AP3B1: variants seen among roughly 807,000 people sequenced by gnomAD.
The protein encoded by AP3B1 is AP-3 complex subunit beta-1.
In AP3B1, 61 loss-of-function variants were observed where a neutral mutation model predicts 132.5. The observed-to-expected ratio is 0.46, with a 90% CI of 0.37 to 0.57. The LOEUF (loss-of-function observed/expected upper bound fraction) is 0.57, where lower values mean the gene tolerates loss of function less well. Among genes scored for constraint, AP3B1 ranks in the 20% least tolerant of loss-of-function variants. The pLI, the probability that AP3B1 is intolerant of heterozygous loss-of-function variation, is 0.00. For missense variants in AP3B1, 1,120 were observed against 1,289.4 expected, an observed-to-expected ratio of 0.87 and a Z score of 2.01; for synonymous variants, 388 against 438.3, an observed-to-expected ratio of 0.89 and a Z score of 1.43.
chr5:78,183,792 A>C (rs150646816), intron 7 of AP3B1, among the ~76,000 whole-genome samples: 4,435 of 149,436 alleles, frequency 0.03, 224 homozygotes, highest in African/African-American at 0.1. Flanking sequence ...GCTTGAGCTC[A>C]TGAGGCGGAG....
chr5:78,189,703 C>G (rs1173003003), intron 7 of AP3B1, among the ~76,000 whole-genome samples: 1 of 151,774 alleles, frequency 6.6e-6, no homozygotes. Context: ...AACCCCATCT[C>G]TACTGAAAAT....
chr5:78,104,566 A>T (rs1751257309), intron 20 of AP3B1, among the ~76,000 whole-genome samples: 1 of 152,174 alleles, frequency 6.6e-6, no homozygotes, highest in Non-Finnish European at 1.5e-5. Context: ...TATAATTGCA[A>T]CATACAAAAA....
At chr5:78,130,027 A>G (rs1752624659) in intron 15 of AP3B1, among the ~76,000 whole-genome samples, 1 of 152,174 alleles carries the variant, frequency 6.6e-6, no homozygotes, top group African/African-American at 2.4e-5. Context: ...AACTTATTAT[A>G]GTAGCTTTTA....
In AP3B1 at chr5:78,112,125, T is replaced by TA. The variant is rs535037803; in HGVS notation, c.2249+1626dup. 4.0e-3 allele frequency among the ~76,000 whole-genome samples: 603 copies of TA among 152,002 alleles called. 3 individuals are homozygous for TA. Among genetic ancestry groups the TA allele is most frequent in the Non-Finnish European group, 5.8e-3 (395 of 67,948 alleles). ...TAAAAAATTATCATACTGGCAAAGTTAAAAAAAATTCTGAGACAGAAAAAT... is the reference window on the plus strand; with the variant it reads ...TAAAAAATTATCATACTGGCAAAGTTAAAAAAAAATTCTGAGACAGAAAAAT... On this transcript the variant is annotated intron_variant, in intron 19 of 26. Coordinates refer to ENST00000255194, the MANE Select transcript of AP3B1 (RefSeq NM_003664.5).
At chr5:78,170,791 T>A (rs1056583912) in intron 11 of AP3B1, among the ~76,000 whole-genome samples, 1 of 152,326 alleles carries the variant, frequency 6.6e-6, no homozygotes, top group African/African-American at 2.4e-5. Flanking sequence ...GGTGTTTTAG[T>A]CATGAAGTCC....
rs1348945440 is a variant in AP3B1, at chr5:78,002,673, A to G, written c.*229T>C. Reference sequence around the variant, plus strand: ...ACGCCACATGGATTCAAGAGTTGAGACAACTGACAGTAAAATATATGCTCT... The same window carrying G: ...ACGCCACATGGATTCAAGAGTTGAGGCAACTGACAGTAAAATATATGCTCT... On this transcript the variant is annotated 3_prime_UTR_variant, in exon 27 of 27. Coordinates refer to ENST00000255194, the MANE Select transcript of AP3B1 (RefSeq NM_003664.5). 1.6e-6 allele frequency: 1 copy of G among 615,536 alleles called. No homozygotes were observed. The highest frequency in any genetic ancestry group is 1.8e-5 in the African/African-American group (1 of 54,200). The allele number at this position is 615,536 out of a possible 1,614,324, so 38.1% of individuals were successfully genotyped here.
At chr5:78,034,580 T>G in intron 23 of AP3B1, 135 bp from the exon 24 acceptor site, 1 of 707,456 alleles carries the variant, frequency 1.4e-6, no homozygotes, top group Non-Finnish European at 2.5e-6. Flanking sequence ...AATTTCAAAC[T>G]AAGAATATTA....
intron 7 of AP3B1, among the ~76,000 whole-genome samples, chr5:78,207,310 C>T (rs528277625): frequency 4.0e-5 from 6 of 151,342 alleles, no homozygotes; most frequent in African/African-American, 1.5e-4. Flanking sequence ...ACCTGTGGTC[C>T]CAGCTACTCA....
intron 7 of AP3B1, among the ~76,000 whole-genome samples, chr5:78,193,526 C>T (rs995547103): frequency 1.3e-5 from 2 of 151,458 alleles, no homozygotes; most frequent in Non-Finnish European, 2.9e-5. Context: ...AACCATACTT[C>T]ATATACACAA....
At chr5:78,072,631 A>G (rs955715484) in intron 22 of AP3B1, among the ~76,000 whole-genome samples, 2 of 152,116 alleles carry the variant, frequency 1.3e-5, no homozygotes, top group African/African-American at 4.8e-5. Flanking sequence ...ATTTAAGGAA[A>G]AACACTTACT....
intron 26 of AP3B1, among the ~76,000 whole-genome samples, chr5:78,009,094 C>T (rs1339887593): frequency 6.6e-6 from 1 of 152,010 alleles, no homozygotes; most frequent in Non-Finnish European, 1.5e-5. Context: ...CCAGTATTTC[C>T]CCTATTAACA....
At chr5:78,059,939 T>C (rs901011202) in intron 22 of AP3B1, among the ~76,000 whole-genome samples, 2 of 152,050 alleles carry the variant, frequency 1.3e-5, no homozygotes, top group East Asian at 1.9e-4. Context: ...GTGATAGATA[T>C]AGACACTTGG....
At chr5:78,054,425 G>C (rs1035653984) in intron 22 of AP3B1, among the ~76,000 whole-genome samples, 37 of 152,180 alleles carry the variant, frequency 2.4e-4, no homozygotes, top group African/African-American at 8.7e-4. Context: ...CCCATAAGAG[G>C]AAGGAAAATG....
chr5:78,075,183 A>G (rs1425654524), intron 22 of AP3B1, among the ~76,000 whole-genome samples: 1 of 152,112 alleles, frequency 6.6e-6, no homozygotes, highest in African/African-American at 2.4e-5. Flanking sequence ...GAGAACTGGT[A>G]GGGGGGTGGT....
chr5:78,249,237 G>A (rs1747523107), intron 2 of AP3B1, among the ~76,000 whole-genome samples: 2 of 151,812 alleles, frequency 1.3e-5, no homozygotes, highest in Non-Finnish European at 2.9e-5. Context: ...GGGGAGCGGG[G>A]GCACCTGTAA....
At chr5:78,261,461 G>T (rs1364007969) in intron 2 of AP3B1, among the ~76,000 whole-genome samples, 1 of 151,722 alleles carries the variant, frequency 6.6e-6, no homozygotes, top group Non-Finnish European at 1.5e-5. Context: ...GGTTTTTGTT[G>T]TTGTTGTTTT....
At chr5:78,090,047 T>G (rs1007014384) in intron 21 of AP3B1, among the ~76,000 whole-genome samples, 1 of 152,180 alleles carries the variant, frequency 6.6e-6, no homozygotes, top group African/African-American at 2.4e-5. Context: ...ACCTGTAAGT[T>G]TGGAAATCTT....
rs114562246 is a variant in AP3B1, at chr5:78,054,148, G to C, written c.2578-14874C>G. Among the ~76,000 whole-genome samples, 299 of 152,292 alleles carry C rather than the reference G, an allele frequency of 2.0e-3. 1 individual carries two copies. The highest frequency in any genetic ancestry group is 6.9e-3 in the African/African-American group (287 of 41,556). ...TGAGGAGCAGGATAGGCACAAGTAA[G>C]GGAGTGAGTTAAGATTTCAGAATTG... On this transcript the variant is annotated intron_variant, in intron 22 of 26. Transcript: ENST00000255194.
chr5:78,028,761 C>T (rs1210571134), intron 24 of AP3B1, among the ~76,000 whole-genome samples: 6 of 152,098 alleles, frequency 3.9e-5, no homozygotes, highest in Admixed American at 3.9e-4. Context: ...GCATGATTTC[C>T]GTTTCTTTTG....
Sources: gnomAD v4.1 joint callset for allele counts (sites outside exome capture counted in the v4.1 genomes callset) on GRCh38, gnomAD v4.1.1 for gene constraint, MANE v1.5 for transcripts, NCBI Gene and HGNC (gene_info 2026-07-23, HGNC 2026-07-21) for gene names.